Variants in LZTS3 observed in about 807,000 individuals in gnomAD.
LZTS3 encodes leucine zipper tumor suppressor family member 3.
A neutral mutation model predicts 50.9 loss-of-function variants in LZTS3; 16 were observed. That is an observed-to-expected ratio of 0.31 (90% confidence interval 0.21 to 0.48). The LOEUF is 0.48. LZTS3 is among the 20% of genes least tolerant of loss of function. The pLI, the probability that LZTS3 is intolerant of heterozygous loss-of-function variation, is 0.99. For synonymous variants in LZTS3, 408 were observed against 410.6 expected, an observed-to-expected ratio of 0.99 and a Z score of 0.08; for missense variants, 816 against 931.0, an observed-to-expected ratio of 0.88 and a Z score of 1.61.
In LZTS3 at chr20:3,164,591, G is replaced by A; in HGVS notation, c.1885C>T (p.Arg629Cys). The A allele has an allele frequency of 8.1e-6, 13 of 1,612,078 alleles. No homozygotes were observed. Among genetic ancestry groups the A allele is most frequent in the Non-Finnish European group, 1.1e-5 (13 of 1,179,132 alleles). The change falls in exon 5 of 5, where the codon CGC becomes TGC. Residue 629 changes from arginine (R) to cysteine (C), a missense_variant. Physicochemically the swap from Arg to Cys is radical, Grantham distance 180. This residue lies in a region of LZTS3 where 107 missense variants were observed against 130.4 expected (regional missense o/e 0.82). Coordinates refer to ENST00000337576, the MANE Select transcript of LZTS3 (RefSeq NM_001365618.1). ...AGCCTGCGCTCCAGCTGCTGGTTGC[G>A]CTGGTACATCTCCACGTAGCTCAGC... ...LQLSYVEMYQ[R>C]NQQLERRLRE...
intron 1 of LZTS3, chr20:3,168,241 C>T (rs889838045): frequency 1.3e-5 from 2 of 152,142 alleles, no homozygotes; most frequent in South Asian, 2.1e-4. Flanking sequence ...ATCAGTCCTC[C>T]GCAGAGGTCC....
In LZTS3 at chr20:3,170,491, A is replaced by AAACAAAAC. The variant is rs1555768555; in HGVS notation, c.-242-2531_-242-2530insGTTTTGTT. On this transcript the variant is annotated intron_variant, in intron 1 of 4. Coordinates refer to ENST00000337576, the MANE Select transcript of LZTS3 (RefSeq NM_001365618.1). ...AAGACAGAGCGAGACTACATCAAAA[A>AAACAAAAC]AAAAAAAAAAAAAAACAGGTTGGCG... Among the ~76,000 whole-genome samples, 772 of 140,246 alleles carry AAACAAAAC rather than the reference A, an allele frequency of 5.5e-3. 15 individuals are homozygous for AAACAAAAC. The highest frequency in any genetic ancestry group is 8.6e-3 in the Non-Finnish European group (557 of 64,922). 92.0% of individuals were successfully genotyped at this position (140,246 alleles called of 152,430 possible). A position where few individuals can be genotyped will look rare whatever the true frequency, so the allele number is the denominator to read the frequency against.
In LZTS3 at chr20:3,164,420, G is replaced by A. The variant is rs2066774121; in HGVS notation, c.*34C>T. On this transcript the variant is annotated 3_prime_UTR_variant, in exon 5 of 5. Coordinates refer to ENST00000337576, the MANE Select transcript of LZTS3 (RefSeq NM_001365618.1). The stretch of plus-strand genomic sequence containing the variant: ...CACTGGGGACTCTGGCCTTTTGACA[G>A]GACATGTGTCAAAATGCCGAGTGCC... 6.7e-7 allele frequency: 1 copy of A among 1,501,402 alleles called. No homozygotes were observed. The highest frequency in any genetic ancestry group is 1.4e-5 in the African/African-American group (1 of 69,804). 93.0% of individuals were successfully genotyped at this position (1,501,402 alleles called of 1,614,324 possible). A position where few individuals can be genotyped will look rare whatever the true frequency, so the allele number is the denominator to read the frequency against.
Position 3,165,007 on chromosome 20 carries a change from T to C in LZTS3, c.1469A>G (p.Gln490Arg), listed in dbSNP as rs1168754392. The C allele has an allele frequency of 1.3e-6, 2 of 1,558,298 alleles. No individual in the cohort carries two copies. The highest frequency in any genetic ancestry group is 1.7e-6 in the Non-Finnish European group (2 of 1,153,812). Residue 490 changes from glutamine (Q) to arginine (R), a missense_variant, in exon 5 of 5, where the codon CAG (glutamine) becomes CGG (arginine). By Grantham distance (43) the Gln-to-Arg change is conservative (BLOSUM62 1). This residue lies in a region of LZTS3 where 700 missense variants were observed against 769.4 expected (regional missense o/e 0.91). Transcript: ENST00000337576. The surrounding 1 kb of genome is among the most constrained non-coding windows in gnomAD (Gnocchi z 5.0). Reference sequence around the variant, plus strand: ...GAAGGAGTCCCGCAGGCTGAGCAGCTGCTCCTCCTTCTCCCGCAGCGAAGC... The same window carrying C: ...GAAGGAGTCCCGCAGGCTGAGCAGCCGCTCCTCCTTCTCCCGCAGCGAAGC... ...GRASLREKEEQLLSLRDSFSS... is the reference protein window; with the variant it reads ...GRASLREKEERLLSLRDSFSS...
In LZTS3 at chr20:3,165,370, T is replaced by C; in HGVS notation, c.1323+127A>G. The C allele has an allele frequency of 7.1e-7, 1 of 1,404,558 alleles. No individual in the cohort carries two copies. Among genetic ancestry groups the C allele is most frequent in the Non-Finnish European group, 9.4e-7 (1 of 1,061,206 alleles). The allele number at this position is 1,404,558 out of a possible 1,614,324, so 87.0% of individuals were successfully genotyped here. On this transcript the variant is annotated intron_variant, in intron 4 of 4. Transcript: ENST00000337576. This position sits in a 1 kb window ranked among gnomAD's most constrained non-coding sequence, Gnocchi z 5.0. ...TCCTCACAGACACTCCCAATTGATTTTTGTCCCCCCTGCTCCTTTCATCCC... is the reference window on the plus strand; with the variant it reads ...TCCTCACAGACACTCCCAATTGATTCTTGTCCCCCCTGCTCCTTTCATCCC...
intron 1 of LZTS3, among the ~76,000 whole-genome samples, chr20:3,170,501 A>AAAAAAAAC: frequency 6.7e-6 from 1 of 150,306 alleles, no homozygotes; most frequent in African/African-American, 2.5e-5. Context: ...AAAAAAAAAA[A>AAAAAAAAC]AAAAACAGGT....
Position 3,166,771 on chromosome 20 carries a change from G to A in LZTS3, c.393C>T (p.Ala131=). The A allele has an allele frequency of 6.2e-7, 1 of 1,613,888 alleles. No individual in the cohort carries two copies. Among genetic ancestry groups the A allele is most frequent in the Non-Finnish European group, 8.5e-7 (1 of 1,180,022 alleles). The change falls in exon 3 of 5, where the codon GCC becomes GCT. Residue 131 remains alanine (A), a synonymous_variant. Transcript: ENST00000337576. ...GSSSSGGSDK[A]PPQYREPSHP... ...GGCTGGGCTCACGATACTGCGGTGGGGCTTTGTCACTGCCACCACTGCTGC... is the reference window on the plus strand; with the variant it reads ...GGCTGGGCTCACGATACTGCGGTGGAGCTTTGTCACTGCCACCACTGCTGC...
chr20:3,167,339 G>A (rs1031713948), intron 2 of LZTS3, 158 bp from the exon 3 acceptor site: 1 of 1,363,372 alleles, frequency 7.3e-7, no homozygotes, highest in Non-Finnish European at 9.4e-7. Flanking sequence ...AATAAGGCTG[G>A]GATAAAAGAG....
In LZTS3 at chr20:3,166,052, A is replaced by G; in HGVS notation, c.768T>C (p.Tyr256=). 6.2e-7 allele frequency: 1 copy of G among 1,612,918 alleles called. No homozygotes were observed. The highest frequency in any genetic ancestry group is 8.5e-7 in the Non-Finnish European group (1 of 1,179,402). The change falls in exon 4 of 5, where the codon TAT becomes TAC. Residue 256 remains tyrosine, a synonymous_variant. Coordinates refer to ENST00000337576, the MANE Select transcript of LZTS3 (RefSeq NM_001365618.1). ...SHINRIGTAS[Y]GSGSGGSSGG... is the part of the protein sequence containing the mutation. The stretch of plus-strand genomic sequence containing the variant: ...CGCTGCTGCCGCCACTACCACTACC[A>G]TAGCTGGCAGTGCCAATGCGGTTAA...
Position 3,166,065 on chromosome 20 carries a change from C to G in LZTS3, c.755G>C (p.Gly252Ala), listed in dbSNP as rs190232165. 8.3e-5 allele frequency: 134 copies of G among 1,612,816 alleles called. 2 individuals carry two copies. The highest frequency in any genetic ancestry group is 2.5e-4 in the Admixed American group (15 of 59,980). ...SASTSHINRIGTASYGSGSGG... is the reference protein window; with the variant it reads ...SASTSHINRIATASYGSGSGG... ...ACTACCACTACCATAGCTGGCAGTG[C>G]CAATGCGGTTAATGTGGCTGGTGGA... Residue 252 changes from glycine (G) to alanine (A), a missense_variant, in exon 4 of 5, where the codon GGC (glycine) becomes GCC (alanine). Transcript: ENST00000337576.
intron 1 of LZTS3, among the ~76,000 whole-genome samples, chr20:3,170,258 G>C (rs919653496): frequency 1.1e-4 from 16 of 152,152 alleles, no homozygotes; most frequent in African/African-American, 3.6e-4. Context: ...GGGAGGCCAA[G>C]GCAGGCAAAT....
rs1236188639 is a variant in LZTS3, at chr20:3,167,670, T to C, written c.-19+68A>G. The C allele has an allele frequency of 5.1e-6, 5 of 986,780 alleles. No individual in the cohort carries two copies. In the African/African-American group the frequency reaches 8.7e-5, roughly 17 times the overall value. 61.1% of individuals were successfully genotyped at this position (986,780 alleles called of 1,614,324 possible). A position where few individuals can be genotyped will look rare whatever the true frequency, so the allele number is the denominator to read the frequency against. On this transcript the variant is annotated intron_variant, in intron 2 of 4. Transcript: ENST00000337576. ...TCCAACAGGGAACCAACCTCAGAAATTAGGGGAGGGAGAGAAATACACCCC... is the reference window on the plus strand; with the variant it reads ...TCCAACAGGGAACCAACCTCAGAAACTAGGGGAGGGAGAGAAATACACCCC...
Position 3,164,845 on chromosome 20 carries a change from C to T in LZTS3, c.1631G>A (p.Arg544His), listed in dbSNP as rs1232217132. ...GGCAGCGGCCACCCCGGCCTGACGGCGCATCTTAGCCTCGTCGCTCTCGCA... is the reference window on the plus strand; with the variant it reads ...GGCAGCGGCCACCCCGGCCTGACGGTGCATCTTAGCCTCGTCGCTCTCGCA... ...ATCESDEAKM[R>H]RQAGVAAAAS... Residue 544 changes from arginine to histidine, a missense_variant, in exon 5 of 5, where the codon CGC becomes CAC. Transcript: ENST00000337576. 2 of 1,553,408 alleles carry T rather than the reference C, an allele frequency of 1.3e-6. No individual in the cohort carries two copies. Among genetic ancestry groups the T allele is most frequent in the East Asian group, 4.7e-5 (2 of 42,652 alleles).
intron 1 of LZTS3, among the ~76,000 whole-genome samples, chr20:3,172,354 G>A (rs564671269): frequency 6.6e-6 from 1 of 152,204 alleles, no homozygotes; most frequent in Non-Finnish European, 1.5e-5. Flanking sequence ...AATGTATGAT[G>A]GGTGAAATGC....
rs1043283168 is a variant in LZTS3, at chr20:3,167,843, C to T, written c.-124G>A. On this transcript the variant is annotated 5_prime_UTR_variant, in exon 2 of 5. Coordinates refer to ENST00000337576, the MANE Select transcript of LZTS3 (RefSeq NM_001365618.1). ...GCCGACGGGTCCTCAAGCCTGGGAC[C>T]CTCCGAGGCCCGGTCTGCAGGGGCC... The T allele has an allele frequency of 1.0e-6, 1 of 985,400 alleles. No homozygotes were observed. The allele number at this position is 985,400 out of a possible 1,614,324, so 61.0% of individuals were successfully genotyped here.
At position 3,167,189 on chromosome 20, in the gene LZTS3, C is replaced by G. The variant is rs371213196; in HGVS notation, c.-18-8G>C. 1 of 1,448,698 alleles carries G rather than the reference C, an allele frequency of 6.9e-7. No homozygotes were observed. Among genetic ancestry groups the G allele is most frequent in the East Asian group, 2.4e-5 (1 of 41,102 alleles). 89.7% of individuals were successfully genotyped at this position (1,448,698 alleles called of 1,614,324 possible). A position where few individuals can be genotyped will look rare whatever the true frequency, so the allele number is the denominator to read the frequency against. ...GACTAAGCCAGGGGGGCACTGTGGG[C>G]ACAGGTGGGAAGGCAGAGATAGGTA... is the stretch of plus-strand genomic sequence containing the variant. On this transcript the variant is annotated splice_region_variant and splice_polypyrimidine_tract_variant and intron_variant, in intron 2 of 4. Transcript: ENST00000337576.
chr20:3,167,926 G>A lies in LZTS3; in HGVS notation c.-207C>T, dbSNP rs2066854125. ...CGAACCAGCTGCGCGACTTTGGAGG[G>A]GCCGACTGAGCCATCCCGGACTGCA... On this transcript the variant is annotated 5_prime_UTR_variant, in exon 2 of 5. Transcript: ENST00000337576. 2 of 909,504 alleles carry A rather than the reference G, an allele frequency of 2.2e-6. No homozygotes were observed. Among genetic ancestry groups the A allele is most frequent in the South Asian group, 5.1e-5 (1 of 19,734 alleles). 56.3% of individuals were successfully genotyped at this position (909,504 alleles called of 1,614,324 possible). A position where few individuals can be genotyped will look rare whatever the true frequency, so the allele number is the denominator to read the frequency against.
At chr20:3,167,996 G>C in intron 1 of LZTS3, 35 bp from the exon 2 acceptor site, 3 of 457,472 alleles carry the variant, frequency 6.6e-6, no homozygotes, top group Non-Finnish European at 8.6e-6. Context: ...CCTACCTTGC[G>C]GGGCTGCCGC....
chr20:3,167,637 T>C, intron 2 of LZTS3, 101 bp downstream of exon 2: 1 of 989,136 alleles, frequency 1.0e-6, no homozygotes, highest in Non-Finnish European at 1.2e-6. Flanking sequence ...GGGAGAGCAG[T>C]ACCTGAATCC....
Sources: allele counts gnomAD v4.1 joint callset (sites outside exome capture counted in the v4.1 genomes callset), GRCh38; gene constraint gnomAD v4.1.1; regional missense constraint gnomAD v4.1.1; non-coding constraint Gnocchi (gnomAD v3.1); transcripts MANE v1.5; gene names NCBI Gene and HGNC (gene_info 2026-07-23, HGNC 2026-07-21).